ROBO1: variants seen among roughly 807,000 people sequenced by gnomAD.
The protein encoded by ROBO1 is roundabout guidance receptor 1.
Under a neutral mutation model 195.9 loss-of-function variants are expected in ROBO1, and 149 were observed. The observed-to-expected ratio is 0.76, with a 90% CI of 0.67 to 0.87. The LOEUF (loss-of-function observed/expected upper bound fraction) is 0.87, where lower values mean the gene tolerates loss of function less well. ROBO1 is among the 40% of genes least tolerant of loss of function. The probability of loss-of-function intolerance (pLI) is 0.00; values close to 1 mark genes in which losing one functional copy is unlikely to be tolerated. For missense variants in ROBO1, 1,933 were observed against 2,068.3 expected (o/e 0.93, Z 1.27); for synonymous variants, 816 against 733.2 (o/e 1.11, Z -1.82).
chr3:79,019,466 G>A (rs904756378), intron 3 of ROBO1: 7 of 986,206 alleles, frequency 7.1e-6, no homozygotes, highest in Non-Finnish European at 7.2e-6. Flanking sequence ...AATTGCTTGT[G>A]GGTTTCCCCC....
intron 1 of ROBO1, among the ~76,000 whole-genome samples, chr3:79,712,810 T>TC (rs2107238717): frequency 6.6e-6 from 1 of 152,234 alleles, no homozygotes; most frequent in East Asian, 1.9e-4. Context: ...AGCCAATGCT[T>TC]ACCGTTCCAA....
intron 4 of ROBO1, among the ~76,000 whole-genome samples, chr3:78,890,604 A>G (rs1298037085): frequency 6.6e-6 from 1 of 152,016 alleles, no homozygotes; most frequent in Admixed American, 6.6e-5. Flanking sequence ...GCAAAAGGAT[A>G]TTTTTTTGTC....
intron 3 of ROBO1, among the ~76,000 whole-genome samples, chr3:79,124,252 A>T (rs1366563152): frequency 6.6e-6 from 1 of 152,050 alleles, no homozygotes; most frequent in Non-Finnish European, 1.5e-5. Flanking sequence ...CCTCATTCTT[A>T]TGTTGGAAGA....
chr3:78,771,554 A>G (rs1373717849), intron 4 of ROBO1, among the ~76,000 whole-genome samples: 2 of 151,998 alleles, frequency 1.3e-5, no homozygotes, highest in Non-Finnish European at 1.5e-5. Context: ...ATTTGTTTGT[A>G]TCATCTCTAA....
intron 3 of ROBO1, among the ~76,000 whole-genome samples, 160 bp downstream of exon 3, chr3:79,125,296 A>G (rs540208124): frequency 1.3e-5 from 2 of 152,196 alleles, no homozygotes; most frequent in Non-Finnish European, 2.9e-5. Context: ...TACTTTAGCA[A>G]TATGATCTGA....
chr3:78,664,734 T>C (rs1575874141), intron 14 of ROBO1, among the ~76,000 whole-genome samples: 1 of 152,214 alleles, frequency 6.6e-6, no homozygotes, highest in African/African-American at 2.4e-5. Flanking sequence ...AGAGAAATTA[T>C]GCCTGCTCCC....
chr3:78,908,768 G>A lies in ROBO1; in HGVS notation c.499+29833C>T, dbSNP rs549105379. The stretch of plus-strand genomic sequence containing the variant: ...CACAGATGAAAAGCACACATGGGCT[G>A]TGTAGCACATTAATCTGTACTCTGG... On this transcript the variant is annotated intron_variant, in intron 4 of 30. Transcript: ENST00000464233. Among the ~76,000 whole-genome samples the A allele has an allele frequency of 7.8e-4, 119 of 151,984 alleles. 1 individual carries two copies. Among genetic ancestry groups the A allele is most frequent in the South Asian group, 1.2e-3 (6 of 4,832 alleles).
intron 3 of ROBO1, among the ~76,000 whole-genome samples, chr3:79,123,693 T>C (rs2080163098): frequency 6.6e-6 from 1 of 152,006 alleles, no homozygotes; most frequent in Non-Finnish European, 1.5e-5. Context: ...AAGATTGTCT[T>C]TCAGTCACTT....
At position 79,620,534 on chromosome 3, in the gene ROBO1, CT is replaced by C. The variant is rs1319091054; in HGVS notation, c.-50-30574del. Among the ~76,000 whole-genome samples, 13 of 31,062 alleles carry C rather than the reference CT, an allele frequency of 4.2e-4. No homozygotes were observed. In the Admixed American group the frequency reaches 6.6e-3, roughly 16 times the overall value. The allele number at this position is 31,062 out of a possible 152,430, so 20.4% of individuals were successfully genotyped here. ...AACTTGGACAACATTCTTTTATACTCTCTTTTTTAGTTGTCTCCACCTGCCC... is the reference window on the plus strand; with the variant it reads ...AACTTGGACAACATTCTTTTATACTCCTTTTTTAGTTGTCTCCACCTGCCC... On this transcript the variant is annotated intron_variant, in intron 1 of 30. Transcript: ENST00000464233.
At chr3:79,009,985 C>A (rs182991923) in intron 3 of ROBO1, among the ~76,000 whole-genome samples, 32 of 152,234 alleles carry the variant, frequency 2.1e-4, no homozygotes, top group African/African-American at 7.7e-4. Context: ...ACTGAAAAAA[C>A]CATGTTATGG....
At chr3:79,697,829 C>T (rs953221256) in intron 1 of ROBO1, among the ~76,000 whole-genome samples, 12 of 151,154 alleles carry the variant, frequency 7.9e-5, no homozygotes, top group African/African-American at 2.9e-4. Flanking sequence ...ATAATTCTGC[C>T]CAATTTTGTT....
chr3:78,806,225 G>T (rs2084534881), intron 4 of ROBO1, among the ~76,000 whole-genome samples: 1 of 151,894 alleles, frequency 6.6e-6, no homozygotes, highest in Non-Finnish European at 1.5e-5. Flanking sequence ...TCTCCCCCTT[G>T]AGCCTCCCAC....
chr3:78,970,605 A>T (rs1370944443), intron 3 of ROBO1, among the ~76,000 whole-genome samples: 1 of 152,206 alleles, frequency 6.6e-6, no homozygotes, highest in East Asian at 1.9e-4. Flanking sequence ...TTGTCCAGGG[A>T]TTTTAATATT....
chr3:79,152,925 C>T (rs1287448189), intron 2 of ROBO1, among the ~76,000 whole-genome samples: 3 of 151,634 alleles, frequency 2.0e-5, no homozygotes, highest in East Asian at 1.9e-4. Context: ...AAGACTTTGG[C>T]GTTTTCAAAG....
intron 4 of ROBO1, among the ~76,000 whole-genome samples, chr3:78,900,064 T>C (rs1469642018): frequency 6.6e-6 from 1 of 152,190 alleles, no homozygotes; most frequent in Non-Finnish European, 1.5e-5. Flanking sequence ...TTCTGGGCTT[T>C]GGCAGTAAGA....
chr3:78,632,717 G>A (rs1288592575), intron 24 of ROBO1, among the ~76,000 whole-genome samples: 2 of 152,060 alleles, frequency 1.3e-5, no homozygotes, highest in African/African-American at 4.8e-5. Context: ...GGATGCTGAA[G>A]GTCAATTAAA....
chr3:79,686,794 A>G (rs1314541182), intron 1 of ROBO1, among the ~76,000 whole-genome samples: 1 of 152,216 alleles, frequency 6.6e-6, no homozygotes, highest in Non-Finnish European at 1.5e-5. Flanking sequence ...CATACTGCCT[A>G]AGGTAATTTA....
chr3:78,742,534 A>T (rs954669309), intron 5 of ROBO1, among the ~76,000 whole-genome samples: 4 of 152,208 alleles, frequency 2.6e-5, no homozygotes, highest in Admixed American at 6.5e-5. Flanking sequence ...TTTTGAACCC[A>T]AACTGCTGAT....
intron 2 of ROBO1, among the ~76,000 whole-genome samples, chr3:79,443,654 C>T (rs543043917): frequency 3.9e-5 from 6 of 151,970 alleles, no homozygotes; most frequent in African/African-American, 7.3e-5. Flanking sequence ...ATGAAAACCC[C>T]GTAAGTTTTC....
Sources: gnomAD v4.1 joint callset for allele counts (sites outside exome capture counted in the v4.1 genomes callset) on GRCh38, gnomAD v4.1.1 for gene constraint, MANE v1.5 for transcripts, NCBI Gene and HGNC (gene_info 2026-07-23, HGNC 2026-07-21) for gene names.